Variants in MNX1 observed in about 807,000 individuals in gnomAD.
MNX1 encodes the protein motor neuron and pancreas homeobox 1.
MNX1 carries 2 observed loss-of-function variants against 17.3 expected under a neutral mutation model. The observed-to-expected ratio is 0.12, with a 90% confidence interval of 0.05 to 0.36. MNX1 has a LOEUF of 0.36. Ranked by LOEUF, MNX1 falls within the 10% of genes least tolerant of loss-of-function variation. The pLI is 1.00. For synonymous variants in MNX1, 306 were observed against 283.1 expected, an observed-to-expected ratio of 1.08 and a Z score of -0.81; for missense variants, 556 against 564.7, an observed-to-expected ratio of 0.98 and a Z score of 0.16.
At chr7:157,008,932 C>G in intron 1 of MNX1, 1 of 1,502,484 alleles carries the variant, frequency 6.7e-7, no homozygotes, top group East Asian at 2.5e-5. Flanking sequence ...CTGCCCGAAG[C>G]CCAGCGGCTC....
rs1390012767 is a variant in MNX1 at position 157,005,375 on chromosome 7, G to A, written c.*145C>T. ...CCGGAGCCGCGGCCGAATCCCTCCA[G>A]CCCCGGCCTGGGCGAGGGGTCCATG... On this transcript the variant is annotated 3_prime_UTR_variant, in exon 3 of 3. Coordinates refer to ENST00000252971, the MANE Select transcript of MNX1 (RefSeq NM_005515.4). 4.3e-6 allele frequency: 2 copies of A among 466,188 alleles called. No homozygotes were observed. The highest frequency in any genetic ancestry group is 6.4e-6 in the Non-Finnish European group (2 of 314,870). 28.9% of individuals were successfully genotyped at this position (466,188 alleles called of 1,614,324 possible).
Position 157,006,435 on chromosome 7 carries a change from C to T in MNX1, c.852+44G>A, listed in dbSNP as rs749447577. The T allele has an allele frequency of 1.1e-5, 18 of 1,592,102 alleles. No individual in the cohort carries two copies. Among genetic ancestry groups the T allele is most frequent in the Middle Eastern group, 1.8e-4 (1 of 5,414 alleles). ...GTCACAAGTGCAAAGGTAACAGTGTCCCCTGGGAGGCCGGGATGCGTCGGG... is the reference window on the plus strand; with the variant it reads ...GTCACAAGTGCAAAGGTAACAGTGTTCCCTGGGAGGCCGGGATGCGTCGGG... On this transcript the variant is annotated intron_variant, in intron 2 of 2. Coordinates refer to ENST00000252971, the MANE Select transcript of MNX1 (RefSeq NM_005515.4). The surrounding 1 kb of genome is among the most constrained non-coding windows in gnomAD (Gnocchi z 6.3).
chr7:157,006,851 CA>C lies in MNX1; in HGVS notation c.692-213del, dbSNP rs1230260178. On this transcript the variant is annotated intron_variant, in intron 1 of 2. Coordinates refer to ENST00000252971, the MANE Select transcript of MNX1 (RefSeq NM_005515.4). This position sits in a 1 kb window ranked among gnomAD's most constrained non-coding sequence, Gnocchi z 6.3. ...ATGGATAGTTTGGAGTTAATGAGACCAATTTTTTTTTTTTTTTTTGTCTAGG... is the reference window on the plus strand; with the variant it reads ...ATGGATAGTTTGGAGTTAATGAGACCATTTTTTTTTTTTTTTTTGTCTAGG... The C allele has an allele frequency of 1.0e-4, 35 of 349,246 alleles. No homozygotes were observed. The highest frequency in any genetic ancestry group is 5.6e-4 in the East Asian group (12 of 21,420). The allele number at this position is 349,246 out of a possible 1,614,324, so 21.6% of individuals were successfully genotyped here.
In MNX1 at chr7:157,005,583, G is replaced by C. The variant is rs751091132; in HGVS notation, c.1143C>G (p.Ser381=). 3 of 1,595,336 alleles carry C rather than the reference G, an allele frequency of 1.9e-6. No individual in the cohort carries two copies. In the South Asian group the frequency reaches 3.4e-5, roughly 18 times the overall value. Residue 381 remains serine, a synonymous_variant, in exon 3 of 3, where the codon TCC becomes TCG. Transcript: ENST00000252971. Reference sequence around the variant, plus strand: ...GCGAGTCGTCCTCCGAGGAGCAGTCGGAGGAGGCGGCGTGGACGCTGGCGC... The same window carrying C: ...GCGAGTCGTCCTCCGAGGAGCAGTCCGAGGAGGCGGCGTGGACGCTGGCGC... The part of the protein sequence containing the change: ...SNGASVHAAS[S]DCSSEDDSPP...
intron 1 of MNX1, chr7:157,007,537 T>C (rs1256072832): frequency 6.6e-6 from 1 of 152,160 alleles, no homozygotes; most frequent in Non-Finnish European, 1.5e-5. Flanking sequence ...CTAGAAGCCT[T>C]TTCAGGACAA....
Position 157,010,193 on chromosome 7 carries a change from C to T in MNX1, c.158G>A (p.Gly53Glu), listed in dbSNP as rs1805688499. 1.6e-6 allele frequency: 2 copies of T among 1,214,522 alleles called. No homozygotes were observed. The highest frequency in any genetic ancestry group is 3.3e-4 in the Middle Eastern group (1 of 3,032). 75.2% of individuals were successfully genotyped at this position (1,214,522 alleles called of 1,614,324 possible). A position where few individuals can be genotyped will look rare whatever the true frequency, so the allele number is the denominator to read the frequency against. The change falls in exon 1 of 3, where the codon GGG becomes GAG. Residue 53 changes from glycine to glutamate, a missense_variant. Physicochemically the swap from Gly to Glu is moderately conservative, Grantham distance 98. Transcript: ENST00000252971. ...CGCGGGGCTGCAGCTGCCGCTAGTC[C>T]CGCCGCTCGCCCCGCCGCCGCCGCC... ...GGGGGGGASG[G>E]TSGSCSPASS...
At position 157,006,406 on chromosome 7, in the gene MNX1, G is replaced by C. The variant is rs958496464; in HGVS notation, c.852+73C>G. The C allele has an allele frequency of 6.6e-7, 1 of 1,517,304 alleles. No homozygotes were observed. Among genetic ancestry groups the C allele is most frequent in the Non-Finnish European group, 8.9e-7 (1 of 1,122,374 alleles). 94.0% of individuals were successfully genotyped at this position (1,517,304 alleles called of 1,614,324 possible). ...CAGCGCTAGATGCCTCAGACCGCCC[G>C]TGGGTCACAAGTGCAAAGGTAACAG... On this transcript the variant is annotated intron_variant, in intron 2 of 2. Coordinates refer to ENST00000252971, the MANE Select transcript of MNX1 (RefSeq NM_005515.4). The surrounding 1 kb of genome is among the most constrained non-coding windows in gnomAD (Gnocchi z 6.3).
rs114679818 is a variant in MNX1 at position 157,009,356 on chromosome 7, C to T, written c.691+304G>A. The stretch of plus-strand genomic sequence containing the variant: ...GCGCTCTCGGCTCGCCTTCCCCCGG[C>T]GACTTCCTTCTCCTGCAGCCTTCGG... On this transcript the variant is annotated intron_variant, in intron 1 of 2. Transcript: ENST00000252971. The T allele has an allele frequency of 2.6e-3, 3,714 of 1,413,112 alleles. 99 individuals carry two copies. In the African/African-American group the frequency reaches 0.05, roughly 19 times the overall value. 87.5% of individuals were successfully genotyped at this position (1,413,112 alleles called of 1,614,324 possible).
In MNX1 at chr7:157,010,278, T is replaced by C; in HGVS notation, c.73A>G (p.Ser25Gly). Reference protein sequence around the residue: ...VDPPRAASAQSAPLALVTSLA... With the variant: ...VDPPRAASAQGAPLALVTSLA... ...GACGTGACCAAGGCCAGCGGCGCGC[T>C]CTGCGCAGAGGCGGCTCGTGGGGGG... Residue 25 changes from serine to glycine, a missense_variant, in exon 1 of 3, where the codon AGC becomes GGC. Physicochemically the swap from Ser to Gly is moderately conservative, Grantham distance 56. This residue lies in a region of MNX1 where 45 missense variants were observed against 42.0 expected (regional missense o/e 1.07). Transcript: ENST00000252971. The C allele has an allele frequency of 2.0e-6, 3 of 1,537,092 alleles. No individual in the cohort carries two copies. Among genetic ancestry groups the C allele is most frequent in the Non-Finnish European group, 1.8e-6 (2 of 1,142,412 alleles).
At position 157,009,775 on chromosome 7, in the gene MNX1, C is replaced by A; in HGVS notation, c.576G>T (p.Ala192=). 3 of 1,594,406 alleles carry A rather than the reference C, an allele frequency of 1.9e-6. No homozygotes were observed. Among genetic ancestry groups the A allele is most frequent in the South Asian group, 2.2e-5 (2 of 89,598 alleles). The change falls in exon 1 of 3, where the codon GCG becomes GCT. Residue 192 remains alanine (A), a synonymous_variant. Coordinates refer to ENST00000252971, the MANE Select transcript of MNX1 (RefSeq NM_005515.4). ...LSYSYPQVQG[A]HPAHPADPIK... ...TGGGGTCGGCGGGGTGCGCGGGGTG[C>A]GCGCCTTGCACCTGCGGGTACGAGT...
At chr7:157,009,056 T>G (rs1289904573) in intron 1 of MNX1, 2 of 1,536,886 alleles carry the variant, frequency 1.3e-6, no homozygotes, top group East Asian at 4.9e-5. Context: ...CCCCCATAGC[T>G]GGTTCAAGCC....
chr7:157,009,236 G>A lies in MNX1; in HGVS notation c.691+424C>T. On this transcript the variant is annotated intron_variant, in intron 1 of 2. Transcript: ENST00000252971. ...AGCACTCCCTCTCCCTGGAGGGGCC[G>A]CGGGTCTCTCTAACGCCCCAGTGGG... The A allele has an allele frequency of 4.2e-6, 6 of 1,433,026 alleles. No individual in the cohort carries two copies. The South Asian group carries it at 6.1e-5, about 15-fold the overall frequency. The allele number at this position is 1,433,026 out of a possible 1,614,324, so 88.8% of individuals were successfully genotyped here. A position where few individuals can be genotyped will look rare whatever the true frequency, so the allele number is the denominator to read the frequency against.
chr7:157,007,690 G>T (rs1805631203), intron 1 of MNX1: 1 of 152,196 alleles, frequency 6.6e-6, no homozygotes, highest in African/African-American at 2.4e-5. Context: ...GACTTCCCTT[G>T]ATTTCCCAGG....
Position 157,005,378 on chromosome 7 carries a change from C to T in MNX1, c.*142G>A. The T allele has an allele frequency of 2.0e-6, 1 of 492,512 alleles. No homozygotes were observed. The highest frequency in any genetic ancestry group is 3.0e-6 in the Non-Finnish European group (1 of 337,000). 30.5% of individuals were successfully genotyped at this position (492,512 alleles called of 1,614,324 possible). A position where few individuals can be genotyped will look rare whatever the true frequency, so the allele number is the denominator to read the frequency against. The stretch of plus-strand genomic sequence containing the variant: ...GAGCCGCGGCCGAATCCCTCCAGCC[C>T]CGGCCTGGGCGAGGGGTCCATGGGG... On this transcript the variant is annotated 3_prime_UTR_variant, in exon 3 of 3. Coordinates refer to ENST00000252971, the MANE Select transcript of MNX1 (RefSeq NM_005515.4).
rs1805571271 is a variant in MNX1 at position 157,005,388 on chromosome 7, C to T, written c.*132G>A. On this transcript the variant is annotated 3_prime_UTR_variant, in exon 3 of 3. Coordinates refer to ENST00000252971, the MANE Select transcript of MNX1 (RefSeq NM_005515.4). The stretch of plus-strand genomic sequence containing the variant: ...CGAATCCCTCCAGCCCCGGCCTGGG[C>T]GAGGGGTCCATGGGGCGGCGGTCGA... 3.7e-6 allele frequency: 2 copies of T among 537,210 alleles called. No individual in the cohort carries two copies. Among genetic ancestry groups the T allele is most frequent in the Non-Finnish European group, 5.3e-6 (2 of 379,646 alleles). 33.3% of individuals were successfully genotyped at this position (537,210 alleles called of 1,614,324 possible).
In MNX1 at chr7:157,006,853, ATTTT is replaced by A. The variant is rs373662349; in HGVS notation, c.692-218_692-215del. 263 of 273,220 alleles carry A rather than the reference ATTTT, an allele frequency of 9.6e-4. No individual in the cohort carries two copies. The highest frequency in any genetic ancestry group is 3.1e-3 in the Middle Eastern group (3 of 958). The allele number at this position is 273,220 out of a possible 1,614,324, so 16.9% of individuals were successfully genotyped here. A position where few individuals can be genotyped will look rare whatever the true frequency, so the allele number is the denominator to read the frequency against. ...GGATAGTTTGGAGTTAATGAGACCA[ATTTT>A]TTTTTTTTTTTTTGTCTAGGAGACG... is the stretch of plus-strand genomic sequence containing the variant. On this transcript the variant is annotated intron_variant, in intron 1 of 2. Coordinates refer to ENST00000252971, the MANE Select transcript of MNX1 (RefSeq NM_005515.4). This position sits in a 1 kb window ranked among gnomAD's most constrained non-coding sequence, Gnocchi z 6.3.
In MNX1 at chr7:157,006,758, G is replaced by A. The variant is rs1805607740; in HGVS notation, c.692-119C>T. 1.8e-6 allele frequency: 2 copies of A among 1,137,314 alleles called. No individual in the cohort carries two copies. Among genetic ancestry groups the A allele is most frequent in the Non-Finnish European group, 2.4e-6 (2 of 819,600 alleles). The allele number at this position is 1,137,314 out of a possible 1,614,324, so 70.5% of individuals were successfully genotyped here. On this transcript the variant is annotated intron_variant, in intron 1 of 2. Transcript: ENST00000252971. This position sits in a 1 kb window ranked among gnomAD's most constrained non-coding sequence, Gnocchi z 6.3. ...GCGCCAAGGCCTGGCCCTGCAGAGG[G>A]CGGGGCTGTTCCCTCACTATCAGTG...
Position 157,006,948 on chromosome 7 carries a change from T to G in MNX1, c.692-309A>C. On this transcript the variant is annotated intron_variant, in intron 1 of 2. Coordinates refer to ENST00000252971, the MANE Select transcript of MNX1 (RefSeq NM_005515.4). The surrounding 1 kb of genome is among the most constrained non-coding windows in gnomAD (Gnocchi z 6.3). ...TCCTCTCCACAGGAGCCGGCTTTGG[T>G]AGCAGTGGATTGACCCAGAGGCAAG... The G allele has an allele frequency of 3.9e-6, 1 of 257,648 alleles. No homozygotes were observed. Among genetic ancestry groups the G allele is most frequent in the Non-Finnish European group, 7.3e-6 (1 of 136,516 alleles). 16.0% of individuals were successfully genotyped at this position (257,648 alleles called of 1,614,324 possible).
At position 157,009,782 on chromosome 7, in the gene MNX1, T is replaced by C. The variant is rs2134846149; in HGVS notation, c.569A>G (p.Gln190Arg). ...PALSYSYPQV[Q>R]GAHPAHPADP... Reference sequence around the variant, plus strand: ...GGCGGGGTGCGCGGGGTGCGCGCCTTGCACCTGCGGGTACGAGTAGGAGAG... The same window carrying C: ...GGCGGGGTGCGCGGGGTGCGCGCCTCGCACCTGCGGGTACGAGTAGGAGAG... Residue 190 changes from glutamine (Q) to arginine (R), a missense_variant, in exon 1 of 3, where the codon CAA becomes CGA. Gln to Arg is a conservative substitution (Grantham distance 43, BLOSUM62 1). This residue lies in a region of MNX1 where 210 missense variants were observed against 211.3 expected (regional missense o/e 0.99). Transcript: ENST00000252971. 6.3e-7 allele frequency: 1 copy of C among 1,588,056 alleles called. No individual in the cohort carries two copies. The highest frequency in any genetic ancestry group is 2.3e-5 in the East Asian group (1 of 43,938).
Sources: allele counts gnomAD v4.1 joint callset, GRCh38; gene constraint gnomAD v4.1.1; regional missense constraint gnomAD v4.1.1; non-coding constraint Gnocchi (gnomAD v3.1); transcripts MANE v1.5; gene names NCBI Gene and HGNC (gene_info 2026-07-23, HGNC 2026-07-21).